Variants in DPP8 observed in about 807,000 individuals in gnomAD.
DPP8 encodes DPP VIII.
DPP8 carries 31 observed loss-of-function variants against 107.5 expected under a neutral mutation model. That is an observed-to-expected ratio of 0.29 (90% CI 0.22 to 0.39). The LOEUF (loss-of-function observed/expected upper bound fraction) is 0.39. Ranked by LOEUF, DPP8 falls within the 10% of genes least tolerant of loss-of-function variation. DPP8 has a pLI of 1.00. For missense variants in DPP8, 842 were observed against 1,076.1 expected (o/e 0.78, Z 3.04); for synonymous variants, 381 against 356.6 (o/e 1.07, Z -0.77).
rs369630546 is a variant in DPP8 at position 65,466,672 on chromosome 15, G to A, written c.1825+6C>T. ...TAACGTCAGGATCAGGGGGAAAAAA[G>A]AATACCTGCTGAATCCAAAATGGTG... On this transcript the variant is annotated splice_donor_region_variant and intron_variant, in intron 14 of 19. Transcript: ENST00000300141. 2 of 1,613,198 alleles carry A rather than the reference G, an allele frequency of 1.2e-6. No individual in the cohort carries two copies. The highest frequency in any genetic ancestry group is 1.1e-5 in the South Asian group (1 of 91,058).
chr15:65,449,990 G>A (rs1042707974), intron 19 of DPP8, among the ~76,000 whole-genome samples: 13 of 96,450 alleles, frequency 1.3e-4, no homozygotes, highest in African/African-American at 4.3e-4. Context: ...TTTTTGAGAC[G>A]GAGTTTCACT....
chr15:65,501,039 A>G (rs415081), intron 3 of DPP8, among the ~76,000 whole-genome samples: 142,406 of 152,054 alleles, frequency 0.94, 66,695 homozygotes, highest in Admixed American at 0.96. Flanking sequence ...AACCACGCCC[A>G]GCTAATTTTT....
chr15:65,508,003 C>G (rs1301616557), intron 2 of DPP8, among the ~76,000 whole-genome samples: 1 of 151,092 alleles, frequency 6.6e-6, no homozygotes, highest in Non-Finnish European at 1.5e-5. Flanking sequence ...TTTGGGAGCC[C>G]GAGGCAGGCA....
At chr15:65,487,657 T>G in intron 7 of DPP8, 33 bp downstream of exon 7, 2 of 1,583,136 alleles carry the variant, frequency 1.3e-6, no homozygotes, top group Non-Finnish European at 1.7e-6. Flanking sequence ...AAAGAGGAAA[T>G]GAGTGAATAT....
In DPP8 at chr15:65,489,387, ACTTC is replaced by A. The variant is rs572067950; in HGVS notation, c.826+798_826+801del. 1.6e-3 allele frequency among the ~76,000 whole-genome samples: 236 copies of A among 146,640 alleles called. 1 individual carries two copies. The highest frequency in any genetic ancestry group is 5.8e-3 in the African/African-American group (231 of 39,678). Reference sequence around the variant, plus strand: ...ACCACAATACAATGGTTTTTACTAGACTTCATTATGATGAAATATAATCTACTTT... The same window carrying A: ...ACCACAATACAATGGTTTTTACTAGAATTATGATGAAATATAATCTACTTT... On this transcript the variant is annotated intron_variant, in intron 6 of 19. Transcript: ENST00000300141.
intron 15 of DPP8, among the ~76,000 whole-genome samples, chr15:65,461,013 T>G (rs1226221395): frequency 1.3e-5 from 2 of 152,214 alleles, no homozygotes; most frequent in South Asian, 4.1e-4. Context: ...CTCTTTTTGA[T>G]AACAGCCAAT....
intron 4 of DPP8, 125 bp downstream of exon 4, chr15:65,500,481 T>C: frequency 4.2e-6 from 3 of 712,144 alleles, no homozygotes; most frequent in Non-Finnish European, 4.8e-6. Flanking sequence ...TTTTCATTGC[T>C]ATTAAATTTC....
rs140581170 is a variant in DPP8, at chr15:65,515,148, T to G, written c.-12+2338A>C. On this transcript the variant is annotated intron_variant, in intron 1 of 19. Transcript: ENST00000300141. The stretch of plus-strand genomic sequence containing the variant: ...AATGCATCACCATGCCTGGCTAATT[T>G]TTTAAAACTTTTTTGTAGAGATGGG... Among the ~76,000 whole-genome samples, 193 of 152,266 alleles carry G rather than the reference T, an allele frequency of 1.3e-3. 1 individual carries two copies. Among genetic ancestry groups the G allele is most frequent in the African/African-American group, 4.5e-3 (187 of 41,554 alleles).
intron 19 of DPP8, among the ~76,000 whole-genome samples, chr15:65,449,645 G>C (rs2063820714): frequency 6.6e-6 from 1 of 152,082 alleles, no homozygotes; most frequent in African/African-American, 2.4e-5. Context: ...CTTGACCTCA[G>C]GTAATCCGCC....
chr15:65,459,024 A>AT lies in DPP8; in HGVS notation c.1972-2654dup, dbSNP rs1033051184. On this transcript the variant is annotated intron_variant, in intron 15 of 19. Coordinates refer to ENST00000300141, the MANE Select transcript of DPP8 (RefSeq NM_130434.5). ...CTGCAAACTGAACACCAGATTCTTT[A>AT]TTTTTTTTTTAACCTTAAAAAAAAA... 2.3e-3 allele frequency: 316 copies of AT among 134,844 alleles called. 1 individual carries two copies. Among genetic ancestry groups the AT allele is most frequent in the Non-Finnish European group, 3.6e-3 (222 of 62,430 alleles). 8.4% of individuals were successfully genotyped at this position (134,844 alleles called of 1,614,324 possible).
At chr15:65,515,649 T>G in intron 1 of DPP8, 1 of 1,613,712 alleles carries the variant, frequency 6.2e-7, no homozygotes, top group Non-Finnish European at 8.5e-7. Context: ...GTTTCCCTGG[T>G]GCCTACCTGA....
chr15:65,465,852 A>G (rs998268551), intron 14 of DPP8, among the ~76,000 whole-genome samples: 1 of 152,132 alleles, frequency 6.6e-6, no homozygotes, highest in Non-Finnish European at 1.5e-5. Flanking sequence ...CACCACGCCC[A>G]GCCCAGTCCA....
At chr15:65,451,928 T>TC in intron 18 of DPP8, 32 bp downstream of exon 18, 1 of 1,474,820 alleles carries the variant, frequency 6.8e-7, no homozygotes, top group Non-Finnish European at 9.1e-7. Context: ...CTGTCTCAAT[T>TC]TAAAAAAAAA....
intron 16 of DPP8, among the ~76,000 whole-genome samples, chr15:65,454,737 C>T (rs1235534385): frequency 1.3e-5 from 2 of 152,096 alleles, no homozygotes; most frequent in Non-Finnish European, 2.9e-5. Context: ...TATGGCCAGG[C>T]TAGTCTCGAA....
chr15:65,484,327 A>C (rs1427160438), intron 8 of DPP8, among the ~76,000 whole-genome samples: 1 of 147,126 alleles, frequency 6.8e-6, no homozygotes, highest in Admixed American at 6.8e-5. Context: ...CTCTGTCTCA[A>C]AAAAAAAAAA....
intron 7 of DPP8, among the ~76,000 whole-genome samples, chr15:65,487,036 A>G (rs2067509940): frequency 6.6e-6 from 1 of 152,240 alleles, no homozygotes; most frequent in Non-Finnish European, 1.5e-5. Context: ...AATAAAGTGA[A>G]AAGTGAAATT....
At chr15:65,507,488 A>C in intron 2 of DPP8, 133 bp from the exon 3 acceptor site, 1 of 550,330 alleles carries the variant, frequency 1.8e-6, no homozygotes, top group South Asian at 2.4e-5. Context: ...GAATGTTAAC[A>C]AGTAGAATGT....
chr15:65,474,069 A>G, intron 12 of DPP8, 140 bp downstream of exon 12: 1 of 636,048 alleles, frequency 1.6e-6, no homozygotes, highest in Non-Finnish European at 2.8e-6. Flanking sequence ...ACCCCATTGC[A>G]CTCCAGCCCT....
At chr15:65,512,089 A>C (rs1341994291) in intron 2 of DPP8, 1 of 705,800 alleles carries the variant, frequency 1.4e-6, no homozygotes. Context: ...AACGATCATG[A>C]TCAATTAATG....
Sources: allele counts gnomAD v4.1 joint callset (sites outside exome capture counted in the v4.1 genomes callset), GRCh38; gene constraint gnomAD v4.1.1; transcripts MANE v1.5; gene names NCBI Gene and HGNC (gene_info 2026-07-23, HGNC 2026-07-21).